Variants in GABRB1 observed in about 807,000 individuals in gnomAD.
GABRB1 encodes the protein gamma-aminobutyric acid receptor subunit beta-1.
GABRB1 carries 17 observed loss-of-function variants against 51.6 expected under a neutral mutation model. The observed-to-expected ratio is 0.33, with a 90% CI of 0.23 to 0.49. The LOEUF (loss-of-function observed/expected upper bound fraction) is 0.49. Ranked by LOEUF, GABRB1 falls within the 20% of genes least tolerant of loss-of-function variation. The pLI is 0.99. For missense variants in GABRB1, 410 were observed against 600.6 expected (o/e 0.68, Z 3.32); for synonymous variants, 247 against 218.9 (o/e 1.13, Z -1.14).
intron 4 of GABRB1, among the ~76,000 whole-genome samples, chr4:47,275,732 A>AT (rs749196001): frequency 1.4e-4 from 21 of 152,218 alleles, no homozygotes; most frequent in Middle Eastern, 3.4e-3. Flanking sequence ...GTTGTGCAAA[A>AT]TTCACATTTG....
intron 4 of GABRB1, among the ~76,000 whole-genome samples, chr4:47,271,151 G>T (rs2109893182): frequency 6.6e-6 from 1 of 152,156 alleles, no homozygotes; most frequent in South Asian, 2.1e-4. Flanking sequence ...TAGGGGAAAA[G>T]TGCATTTATT....
intron 5 of GABRB1, among the ~76,000 whole-genome samples, chr4:47,360,509 T>C (rs1245452525): frequency 6.6e-6 from 1 of 152,182 alleles, no homozygotes; most frequent in Non-Finnish European, 1.5e-5. Flanking sequence ...GTTCTAATTA[T>C]GGTGTGCAGT....
intron 3 of GABRB1, among the ~76,000 whole-genome samples, chr4:47,106,589 C>G (rs941809926): frequency 6.6e-6 from 1 of 151,940 alleles, no homozygotes; most frequent in African/African-American, 2.4e-5. Context: ...GACTTATTTT[C>G]TCTCAGATTC....
At chr4:47,089,143 G>GA (rs1301064277) in intron 3 of GABRB1, among the ~76,000 whole-genome samples, 1 of 152,186 alleles carries the variant, frequency 6.6e-6, no homozygotes, top group African/African-American at 2.4e-5. Flanking sequence ...GGAGATAGGG[G>GA]AAAAACCTCC....
chr4:47,106,417 A>G (rs1022200810), intron 3 of GABRB1, among the ~76,000 whole-genome samples: 1 of 152,094 alleles, frequency 6.6e-6, no homozygotes. Context: ...TTGGAAATTC[A>G]AATCTATGTT....
At chr4:47,262,897 C>G (rs1446305242) in intron 4 of GABRB1, among the ~76,000 whole-genome samples, 2 of 151,828 alleles carry the variant, frequency 1.3e-5, no homozygotes, top group Non-Finnish European at 2.9e-5. Flanking sequence ...TTTGTAGGGA[C>G]ATGGATGAAG....
intron 4 of GABRB1, among the ~76,000 whole-genome samples, chr4:47,260,445 G>A (rs1340712206): frequency 6.6e-6 from 1 of 152,196 alleles, no homozygotes; most frequent in East Asian, 1.9e-4. Context: ...ATTTTGGCAT[G>A]ATTTTGCAGT....
At chr4:47,167,777 C>G (rs1320495734) in intron 4 of GABRB1, among the ~76,000 whole-genome samples, 3 of 152,144 alleles carry the variant, frequency 2.0e-5, no homozygotes, top group Non-Finnish European at 4.4e-5. Flanking sequence ...CCCACTTTCT[C>G]TCTTTCTTGC....
At chr4:47,424,998 T>C (rs539447502) in intron 8 of GABRB1, among the ~76,000 whole-genome samples, 1 of 152,354 alleles carries the variant, frequency 6.6e-6, no homozygotes, top group African/African-American at 2.4e-5. Flanking sequence ...GAAATAATTA[T>C]GGATATGCAC....
intron 3 of GABRB1, among the ~76,000 whole-genome samples, chr4:47,093,818 G>C (rs1481996422): frequency 6.6e-6 from 1 of 152,166 alleles, no homozygotes; most frequent in Non-Finnish European, 1.5e-5. Context: ...TACAAGTTGA[G>C]TAACATGTAA....
chr4:47,058,240 A>T (rs1299014363), intron 3 of GABRB1, among the ~76,000 whole-genome samples: 1 of 152,236 alleles, frequency 6.6e-6, no homozygotes, highest in East Asian at 1.9e-4. Flanking sequence ...ATCATCATTC[A>T]AAAAGCTCTT....
At chr4:47,017,573 C>G (rs1724786341) in intron 1 of GABRB1, among the ~76,000 whole-genome samples, 1 of 152,026 alleles carries the variant, frequency 6.6e-6, no homozygotes, top group African/African-American at 2.4e-5. Context: ...GCCTATAAAA[C>G]AGGAAAGAGT....
chr4:47,069,401 T>C (rs1366647823), intron 3 of GABRB1, among the ~76,000 whole-genome samples: 1 of 152,230 alleles, frequency 6.6e-6, no homozygotes, highest in Admixed American at 6.5e-5. Flanking sequence ...ATGAACCCTG[T>C]AATCCAAATA....
chr4:47,263,794 AGATAGTG>A (rs1180760082), intron 4 of GABRB1, among the ~76,000 whole-genome samples: 2 of 152,264 alleles, frequency 1.3e-5, no homozygotes, highest in African/African-American at 4.8e-5. Flanking sequence ...CTATACAAAT[AGATAGTG>A]GTAAAGCAAA....
intron 3 of GABRB1, among the ~76,000 whole-genome samples, chr4:47,059,270 C>G (rs1328073093): frequency 6.6e-6 from 1 of 152,144 alleles, no homozygotes; most frequent in Non-Finnish European, 1.5e-5. Flanking sequence ...GCTGTTTACC[C>G]CTAGGTTTGT....
intron 4 of GABRB1, among the ~76,000 whole-genome samples, chr4:47,241,263 T>C (rs1721508476): frequency 6.7e-6 from 1 of 149,306 alleles, no homozygotes; most frequent in Non-Finnish European, 1.5e-5. Context: ...CGAAAGTAAT[T>C]TGGGCTTGGA....
intron 4 of GABRB1, among the ~76,000 whole-genome samples, chr4:47,263,901 C>A (rs1259042319): frequency 6.6e-6 from 1 of 151,948 alleles, no homozygotes; most frequent in African/African-American, 2.4e-5. Flanking sequence ...AATCCCAGCA[C>A]TTTGGGAGGC....
intron 8 of GABRB1, among the ~76,000 whole-genome samples, chr4:47,417,726 C>T (rs1728976042): frequency 6.6e-6 from 1 of 152,222 alleles, no homozygotes; most frequent in Non-Finnish European, 1.5e-5. Context: ...CTCTGTGCTT[C>T]AGAACCACTC....
At chr4:47,385,426 C>T (rs1393182384) in intron 5 of GABRB1, among the ~76,000 whole-genome samples, 4 of 151,912 alleles carry the variant, frequency 2.6e-5, no homozygotes, top group Non-Finnish European at 4.4e-5. Context: ...AGGGAGGTGC[C>T]GAGAATTGAG....
Sources: allele counts gnomAD v4.1 joint callset (sites outside exome capture counted in the v4.1 genomes callset), GRCh38; gene constraint gnomAD v4.1.1; transcripts MANE v1.5; gene names NCBI Gene and HGNC (gene_info 2026-07-23, HGNC 2026-07-21).